Variants in LIMK2 observed in about 807,000 individuals in gnomAD.
LIMK2 encodes LIM domain kinase 2.
In LIMK2, 35 loss-of-function variants were observed where a neutral mutation model predicts 75.7. The observed-to-expected ratio is 0.46, with a 90% CI of 0.35 to 0.61. LIMK2 has a LOEUF of 0.61. Ranked by LOEUF, LIMK2 falls within the 20% of genes least tolerant of loss-of-function variation. The probability of loss-of-function intolerance (pLI) is 0.00; values close to 1 mark genes in which losing one functional copy is unlikely to be tolerated. For synonymous variants in LIMK2, 301 were observed against 319.2 expected (o/e 0.94, Z 0.61); for missense variants, 623 against 831.0 (o/e 0.75, Z 3.08).
intron 15 of LIMK2, among the ~76,000 whole-genome samples, chr22:31,276,504 G>A (rs1239145315): frequency 6.8e-6 from 1 of 147,596 alleles, no homozygotes; most frequent in Non-Finnish European, 1.5e-5. Context: ...CGGGCGGATC[G>A]GCGGGGAGGG....
At chr22:31,236,626 G>A (rs867421471) in intron 2 of LIMK2, among the ~76,000 whole-genome samples, 2,740 of 137,410 alleles carry the variant, frequency 0.02, 26 homozygotes, top group Non-Finnish European at 0.028. Flanking sequence ...AAAAAAAAAA[G>A]AAACGAGCCA....
At chr22:31,216,635 C>T (rs1170686078) in intron 1 of LIMK2, among the ~76,000 whole-genome samples, 6 of 152,114 alleles carry the variant, frequency 3.9e-5, no homozygotes, top group Non-Finnish European at 2.9e-5. Context: ...CTTGGATGGT[C>T]CTGGATATGT....
At position 31,262,224 on chromosome 22, in the gene LIMK2, A is replaced by C. The variant is rs2048847795; in HGVS notation, c.642A>C (p.Thr214=). ...AGATCAATGGGACCCCCGTCCGCAC[A>C]CTTCGAGTGGAGGAGGTAGAGTGTG... ...ILEINGTPVR[T]LRVEEVEDAI... is the part of the protein sequence containing the mutation. Residue 214 remains threonine (T), a synonymous_variant, in exon 6 of 16, where the codon ACA becomes ACC. Transcript: ENST00000331728. This position sits in a 1 kb window ranked among gnomAD's most constrained non-coding sequence, Gnocchi z 5.0. The C allele has an allele frequency of 6.2e-7, 1 of 1,612,766 alleles. No individual in the cohort carries two copies. Among genetic ancestry groups the C allele is most frequent in the Non-Finnish European group, 8.5e-7 (1 of 1,178,722 alleles).
At chr22:31,277,683 T>C (rs774885313) in intron 15 of LIMK2, 10 of 398,262 alleles carry the variant, frequency 2.5e-5, no homozygotes, top group African/African-American at 4.4e-5. Context: ...ACACTTGGGT[T>C]ACAGCAGCGA....
intron 3 of LIMK2, 89 bp from the exon 4 acceptor site, chr22:31,259,032 T>C: frequency 1.4e-6 from 1 of 728,026 alleles, no homozygotes; most frequent in Non-Finnish European, 2.5e-6. Context: ...TGCTTGGAGG[T>C]CATTCACCCA....
chr22:31,277,043 T>TGC (rs1569005812), intron 15 of LIMK2: 1 of 1,613,932 alleles, frequency 6.2e-7, no homozygotes, highest in Non-Finnish European at 8.5e-7. Flanking sequence ...GTCAAGGAGC[T>TGC]GCTGGTTGAC....
chr22:31,252,584 A>G (rs1374971349), intron 2 of LIMK2, among the ~76,000 whole-genome samples: 1 of 54,714 alleles, frequency 1.8e-5, no homozygotes, highest in Non-Finnish European at 3.0e-5. Flanking sequence ...GGATAGATAA[A>G]TAAAGGTCAT....
chr22:31,272,539 G>A lies in LIMK2; in HGVS notation c.1393G>A (p.Val465Met). Residue 465 changes from valine (V) to methionine (M), a missense_variant, in exon 13 of 16, where the codon GTG (valine) becomes ATG (methionine). Physicochemically the swap from Val to Met is conservative, Grantham distance 21 (BLOSUM62 1). Coordinates refer to ENST00000331728, the MANE Select transcript of LIMK2 (RefSeq NM_005569.4). ...HNCLIKLDKT[V>M]VVADFGLSRL... is the part of the protein sequence containing the mutation. Reference sequence around the variant, plus strand: ...TCTTTTATCCTACCAGGACAAGACTGTGGTGGTGGCAGACTTTGGGCTGTC... The same window carrying A: ...TCTTTTATCCTACCAGGACAAGACTATGGTGGTGGCAGACTTTGGGCTGTC... 1.9e-6 allele frequency: 3 copies of A among 1,612,706 alleles called. No homozygotes were observed. The highest frequency in any genetic ancestry group is 2.2e-5 in the South Asian group (2 of 90,956).
chr22:31,273,304 G>T, intron 13 of LIMK2, 148 bp from the exon 14 acceptor site: 1 of 689,148 alleles, frequency 1.5e-6, no homozygotes, highest in Non-Finnish European at 2.5e-6. Context: ...CTATTTTCAG[G>T]TGGTGTCTGC....
chr22:31,278,565 A>G lies in LIMK2; in HGVS notation c.*124A>G. On this transcript the variant is annotated 3_prime_UTR_variant, in exon 16 of 16. Coordinates refer to ENST00000331728, the MANE Select transcript of LIMK2 (RefSeq NM_005569.4). ...TTGGCGGAATGTTTAGAAGCAGAAC[A>G]AGCCATTCCTATTACCTCCCCAGGA... 1 of 1,090,978 alleles carries G rather than the reference A, an allele frequency of 9.2e-7. No homozygotes were observed. 67.6% of individuals were successfully genotyped at this position (1,090,978 alleles called of 1,614,324 possible). A position where few individuals can be genotyped will look rare whatever the true frequency, so the allele number is the denominator to read the frequency against.
chr22:31,269,292 T>C (rs903555902), intron 11 of LIMK2, among the ~76,000 whole-genome samples: 13 of 145,248 alleles, frequency 9.0e-5, no homozygotes, highest in South Asian at 2.2e-4. Context: ...TTTTCTTTTT[T>C]TTTTTTTTTT....
intron 2 of LIMK2, among the ~76,000 whole-genome samples, chr22:31,232,173 TC>T (rs905121414): frequency 2.0e-5 from 3 of 149,806 alleles, no homozygotes; most frequent in South Asian, 2.2e-4. Flanking sequence ...GAGTAACTTG[TC>T]CAGGGTCACA....
intron 1 of LIMK2, among the ~76,000 whole-genome samples, chr22:31,222,072 T>C (rs1325078572): frequency 6.6e-6 from 1 of 151,952 alleles, no homozygotes; most frequent in Non-Finnish European, 1.5e-5. Context: ...ACAACTTTTT[T>C]TCTTTTTTCT....
rs537926066 is a variant in LIMK2, at chr22:31,251,415, A to G, written c.117-6876A>G. 4.6e-5 allele frequency among the ~76,000 whole-genome samples: 7 copies of G among 152,274 alleles called. No homozygotes were observed. In the East Asian group the frequency reaches 1.4e-3, roughly 29 times the overall value. On this transcript the variant is annotated intron_variant, in intron 2 of 15. Transcript: ENST00000331728. ...TAGGTCCTCTGGGACTCTTTTCCTT[A>G]TCTGAAAAATGAAGGACTTGGATCA...
intron 1 of LIMK2, among the ~76,000 whole-genome samples, chr22:31,218,744 A>G (rs2048408438): frequency 6.6e-6 from 1 of 152,124 alleles, no homozygotes; most frequent in African/African-American, 2.4e-5. Context: ...TCCCAGAACA[A>G]GTGGGATTTA....
At chr22:31,278,270 C>G (rs1250417076) in intron 15 of LIMK2, 27 bp from the exon 16 acceptor site, 1 of 1,595,676 alleles carries the variant, frequency 6.3e-7, no homozygotes, top group Non-Finnish European at 8.5e-7. Context: ...GTTCCACCTG[C>G]CTCTAATTTA....
chr22:31,225,595 G>A, intron 1 of LIMK2, 125 bp from the exon 2 acceptor site: 1 of 669,742 alleles, frequency 1.5e-6, no homozygotes, highest in South Asian at 1.7e-5. Flanking sequence ...TGTGCATCTA[G>A]CAGAGCATTG....
chr22:31,272,724 A>AG lies in LIMK2; in HGVS notation c.1558+24dup, dbSNP rs1309672818. 12 of 1,569,546 alleles carry AG rather than the reference A, an allele frequency of 7.6e-6. No individual in the cohort carries two copies. The highest frequency in any genetic ancestry group is 3.6e-4 in the Middle Eastern group (2 of 5,592). On this transcript the variant is annotated intron_variant, in intron 13 of 15. Transcript: ENST00000331728. ...TGAACGGTGAGTCCTGAAGCCCTGGAGGGGACACCCGCAGAGGGAGGACAG... is the reference window on the plus strand; with the variant it reads ...TGAACGGTGAGTCCTGAAGCCCTGGAGGGGGACACCCGCAGAGGGAGGACAG...
chr22:31,232,763 A>AT (rs1178125397), intron 2 of LIMK2, among the ~76,000 whole-genome samples: 2 of 151,332 alleles, frequency 1.3e-5, no homozygotes, highest in African/African-American at 2.4e-5. Flanking sequence ...TGCCCAGCTA[A>AT]TTTTTTTTTA....
Sources: allele counts gnomAD v4.1 joint callset (sites outside exome capture counted in the v4.1 genomes callset), GRCh38; gene constraint gnomAD v4.1.1; non-coding constraint Gnocchi (gnomAD v3.1); transcripts MANE v1.5; gene names NCBI Gene and HGNC (gene_info 2026-07-23, HGNC 2026-07-21).